Variants in RPS6KC1 observed in about 807,000 individuals in gnomAD.
The protein encoded by RPS6KC1 is ribosomal protein S6 kinase C1.
A neutral mutation model predicts 103.8 loss-of-function variants in RPS6KC1; 54 were observed. The ratio of observed to expected loss-of-function variants is 0.52; its 90% CI spans 0.42 to 0.65. The LOEUF (loss-of-function observed/expected upper bound fraction) is 0.65, where lower values mean the gene tolerates loss of function less well. RPS6KC1 is among the 30% of genes least tolerant of loss of function. The probability of loss-of-function intolerance (pLI) is 0.00; values close to 1 mark genes in which losing one functional copy is unlikely to be tolerated. For synonymous variants in RPS6KC1, 439 were observed against 438.7 expected, an observed-to-expected ratio of 1.00 and a Z score of -0.01; for missense variants, 1,151 against 1,253.8, an observed-to-expected ratio of 0.92 and a Z score of 1.24.
chr1:213,855,438 C>G, the RPS6KC1 span, among the ~76,000 whole-genome samples: 1 of 152,188 alleles, frequency 6.6e-6, no homozygotes, highest in Non-Finnish European at 1.5e-5. Flanking sequence ...CTGACACTGC[C>G]TGAGAACCTT....
the RPS6KC1 span, among the ~76,000 whole-genome samples, chr1:213,369,658 A>G: frequency 8.1e-3 from 1,240 of 152,312 alleles, 10 homozygotes; most frequent in South Asian, 0.013. Context: ...GGCCTGGATT[A>G]TTTGTTTGGC....
intron 12 of RPS6KC1, among the ~76,000 whole-genome samples, chr1:213,249,666 A>T (rs181528683): frequency 6.6e-6 from 1 of 152,342 alleles, no homozygotes; most frequent in Non-Finnish European, 1.5e-5. Flanking sequence ...AGTTGTTGTG[A>T]TATGATCAAT....
intron 4 of RPS6KC1, among the ~76,000 whole-genome samples, chr1:213,109,282 G>A (rs946640415): frequency 3.9e-5 from 6 of 152,086 alleles, no homozygotes; most frequent in East Asian, 1.9e-4. Flanking sequence ...GATGACAGGC[G>A]CCCGCCAGCA....
At chr1:213,717,470 G>C in the RPS6KC1 span, among the ~76,000 whole-genome samples, 1 of 152,218 alleles carries the variant, frequency 6.6e-6, no homozygotes, top group South Asian at 2.1e-4. Context: ...TGAGCTGATG[G>C]ATTGGAAAGT....
chr1:213,404,770 A>G, the RPS6KC1 span, among the ~76,000 whole-genome samples: 1 of 152,254 alleles, frequency 6.6e-6, no homozygotes, highest in Non-Finnish European at 1.5e-5. Flanking sequence ...GATGGCACCC[A>G]CGGCCTCCCA....
At chr1:213,788,893 T>TCACACA in the RPS6KC1 span, among the ~76,000 whole-genome samples, 14 of 151,816 alleles carry the variant, frequency 9.2e-5, no homozygotes, top group Middle Eastern at 0.014. Flanking sequence ...TTCCTCAGTT[T>TCACACA]CACACACACA....
the RPS6KC1 span, among the ~76,000 whole-genome samples, chr1:213,573,948 G>A: frequency 6.6e-6 from 1 of 152,192 alleles, no homozygotes; most frequent in Non-Finnish European, 1.5e-5. Flanking sequence ...TGGCCAGACA[G>A]GCAGATAGAC....
At chr1:213,067,430 G>T (rs975296909) in intron 1 of RPS6KC1, among the ~76,000 whole-genome samples, 1 of 152,160 alleles carries the variant, frequency 6.6e-6, no homozygotes, top group African/African-American at 2.4e-5. Flanking sequence ...AAAACTGTCC[G>T]TGGGACCATT....
Position 213,242,011 on chromosome 1 carries a change from G to T in RPS6KC1, c.2535G>T (p.Leu845=). The T allele has an allele frequency of 6.2e-7, 1 of 1,614,038 alleles. No homozygotes were observed. Among genetic ancestry groups the T allele is most frequent in the Non-Finnish European group, 8.5e-7 (1 of 1,179,950 alleles). Reference sequence around the variant, plus strand: ...CTTTAAAAACAGAAGAAGTATTGCTGTTTACAGATCAGACTGATGATTTGG... The same window carrying T: ...CTTTAAAAACAGAAGAAGTATTGCTTTTTACAGATCAGACTGATGATTTGG... ...TDTLKTEEVL[L]FTDQTDDLAK... is the part of the protein sequence containing the mutation. The change falls in exon 11 of 15, where the codon CTG becomes CTT. Residue 845 remains leucine, a synonymous_variant. Transcript: ENST00000366960.
the RPS6KC1 span, among the ~76,000 whole-genome samples, chr1:213,563,815 C>T: frequency 1.3e-5 from 2 of 151,824 alleles, no homozygotes; most frequent in South Asian, 2.1e-4. Context: ...TATGGTTGGC[C>T]AGTATTTTAA....
intron 8 of RPS6KC1, among the ~76,000 whole-genome samples, chr1:213,214,207 A>G (rs1361824091): frequency 6.6e-6 from 1 of 152,258 alleles, no homozygotes; most frequent in Non-Finnish European, 1.5e-5. Context: ...CGGTCTTAGC[A>G]AACGGCACAC....
intron 5 of RPS6KC1, among the ~76,000 whole-genome samples, chr1:213,125,602 T>C (rs892977188): frequency 6.7e-6 from 1 of 148,498 alleles, no homozygotes; most frequent in South Asian, 2.2e-4. Context: ...GGTTTGGCTA[T>C]ATAAATTTCT....
intron 7 of RPS6KC1, 48 bp downstream of exon 7, chr1:213,168,021 T>C (rs772186099): frequency 9.7e-6 from 11 of 1,133,960 alleles, no homozygotes; most frequent in South Asian, 6.6e-5. Context: ...TTTTTTGCTG[T>C]CTGGTCTCTC....
At chr1:213,066,227 G>A (rs1008933511) in intron 1 of RPS6KC1, among the ~76,000 whole-genome samples, 5 of 152,194 alleles carry the variant, frequency 3.3e-5, no homozygotes, top group African/African-American at 1.2e-4. Flanking sequence ...AGTGTTCACA[G>A]AATACCAGGG....
At chr1:213,364,863 TA>T in the RPS6KC1 span, among the ~76,000 whole-genome samples, 1 of 151,020 alleles carries the variant, frequency 6.6e-6, no homozygotes. Context: ...GAGGCTGAGG[TA>T]GGAGAATGGC....
At chr1:213,733,674 G>C in the RPS6KC1 span, among the ~76,000 whole-genome samples, 1 of 151,490 alleles carries the variant, frequency 6.6e-6, no homozygotes, top group South Asian at 2.1e-4. Context: ...CCCTTTCGTG[G>C]GTTTTATCTT....
chr1:213,423,177 ATTTG>A, the RPS6KC1 span, among the ~76,000 whole-genome samples: 1 of 152,068 alleles, frequency 6.6e-6, no homozygotes, highest in Non-Finnish European at 1.5e-5. Flanking sequence ...ATGTGACTTT[ATTTG>A]TTTTTCTTTT....
At chr1:213,321,160 CCAGA>C in the RPS6KC1 span, among the ~76,000 whole-genome samples, 3 of 152,186 alleles carry the variant, frequency 2.0e-5, no homozygotes, top group Admixed American at 2.0e-4. Context: ...CGATGATGGA[CCAGA>C]CAGTTTTCAG....
chr1:213,559,529 C>A, the RPS6KC1 span, among the ~76,000 whole-genome samples: 1 of 152,136 alleles, frequency 6.6e-6, no homozygotes, highest in Non-Finnish European at 1.5e-5. Context: ...CTATAAGACA[C>A]ATGCCTCACC....
Sources: gnomAD v4.1 joint callset for allele counts (sites outside exome capture counted in the v4.1 genomes callset) on GRCh38, gnomAD v4.1.1 for gene constraint, MANE v1.5 for transcripts, NCBI Gene and HGNC (gene_info 2026-07-23, HGNC 2026-07-21) for gene names.